Variants in MEGF6 observed in about 807,000 individuals in gnomAD.
The protein encoded by MEGF6 is multiple epidermal growth factor-like domains protein 6.
A neutral mutation model predicts 207.1 loss-of-function variants in MEGF6; 184 were observed. That is an observed-to-expected ratio of 0.89 (90% CI 0.79 to 1.00). MEGF6 has a LOEUF of 1.00. Ranked by LOEUF, MEGF6 falls within the 50% of genes least tolerant of loss-of-function variation. MEGF6 has a pLI of 0.00. For missense variants in MEGF6, 2,282 were observed against 2,202.9 expected (o/e 1.04, Z -0.72); for synonymous variants, 1,038 against 910.0 (o/e 1.14, Z -2.53).
At chr1:3,494,522 A>G (rs1640517774) in intron 31 of MEGF6, 23 bp from the exon 32 acceptor site, 1 of 1,580,784 alleles carries the variant, frequency 6.3e-7, no homozygotes, top group African/African-American at 1.3e-5. Context: ...CAGGGTGGGC[A>G]GTCCTTCGGC....
chr1:3,545,061 G>A (rs1323961398), intron 4 of MEGF6, among the ~76,000 whole-genome samples: 1 of 152,102 alleles, frequency 6.6e-6, no homozygotes, highest in Non-Finnish European at 1.5e-5. Flanking sequence ...GCTTGGCGGC[G>A]GGGCCAGCCC....
intron 35 of MEGF6, among the ~76,000 whole-genome samples, chr1:3,491,854 G>A (rs528542849): frequency 6.6e-6 from 1 of 151,646 alleles, no homozygotes; most frequent in Admixed American, 6.6e-5. Context: ...TGCAGGCAGA[G>A]AGCACATTCC....
At chr1:3,592,711 G>A (rs1481725545) in intron 3 of MEGF6, among the ~76,000 whole-genome samples, 2 of 143,224 alleles carry the variant, frequency 1.4e-5, no homozygotes, top group South Asian at 2.5e-4. Context: ...CCCACCCACC[G>A]CCCCCCTCAC....
chr1:3,619,261 G>A, the MEGF6 span, among the ~76,000 whole-genome samples: 5 of 152,130 alleles, frequency 3.3e-5, no homozygotes, highest in Admixed American at 6.5e-5. Context: ...CTCCCCTCCC[G>A]GGACCTCACA....
intron 4 of MEGF6, among the ~76,000 whole-genome samples, chr1:3,541,699 C>A (rs1476240924): frequency 1.3e-5 from 2 of 152,180 alleles, no homozygotes; most frequent in African/African-American, 4.8e-5. Context: ...ACAGTGGGAA[C>A]CTGGCAGTGC....
At chr1:3,530,976 A>G in intron 4 of MEGF6, 1 of 1,363,708 alleles carries the variant, frequency 7.3e-7, no homozygotes, top group South Asian at 1.6e-5. Flanking sequence ...CCTCCAGCCT[A>G]GCAGGCAGCG....
Position 3,511,551 on chromosome 1 carries a change from GATGCAGGT to G in MEGF6, c.1105_1112del (p.Thr369ArgfsTer40). The G allele has an allele frequency of 1.9e-5, 31 of 1,603,992 alleles. No individual in the cohort carries two copies. Among genetic ancestry groups the G allele is most frequent in the Non-Finnish European group, 2.3e-5 (27 of 1,173,312 alleles). ...CATCTGGGAGGAGCCAGTGCGCACC[GATGCAGGT>G]CCTCTGATCTGTGTCCAGCTCGTAG... On this transcript the variant is annotated frameshift_variant and splice_region_variant, in exon 9 of 37. Transcript: ENST00000356575. LOFTEE classifies it high-confidence loss of function.
intron 4 of MEGF6, among the ~76,000 whole-genome samples, chr1:3,537,506 CA>C (rs1482504051): frequency 6.6e-6 from 1 of 152,234 alleles, no homozygotes; most frequent in Non-Finnish European, 1.5e-5. Context: ...TGTGCCAGGC[CA>C]GGGGTGCTCC....
In MEGF6 at chr1:3,602,507, G is replaced by A. The variant is rs575501953; in HGVS notation, c.225C>T (p.Ala75=). 61 of 1,613,348 alleles carry A rather than the reference G, an allele frequency of 3.8e-5. No homozygotes were observed. The highest frequency in any genetic ancestry group is 1.8e-4 in the East Asian group (8 of 44,876). The change falls in exon 2 of 37, where the codon GCC becomes GCT. Residue 75 remains alanine, a synonymous_variant. Coordinates refer to ENST00000356575, the MANE Select transcript of MEGF6 (RefSeq NM_001409.4). ...ALSHTVPVWK[A]GCGWQAWCVG... ...CGCACCACGCCTGCCACCCACAGCC[G>A]GCCTTCCACACCGGCACCGTGTGGC...
At position 3,573,969 on chromosome 1, in the gene MEGF6, C is replaced by T. The variant is rs2101716649; in HGVS notation, c.481+5856G>A. ...CACCACCCAGTCCTAGCCACCCAAC[C>T]TTCTCCAAGGCTCTGCTTCCTGGCA... On this transcript the variant is annotated intron_variant, in intron 4 of 36. Coordinates refer to ENST00000356575, the MANE Select transcript of MEGF6 (RefSeq NM_001409.4). This position sits in a 1 kb window ranked among gnomAD's most constrained non-coding sequence, Gnocchi z 5.1. 6.6e-6 allele frequency among the ~76,000 whole-genome samples: 1 copy of T among 152,320 alleles called. No homozygotes were observed.
chr1:3,615,340 C>T (rs566604657), upstream of MEGF6, among the ~76,000 whole-genome samples: 33 of 152,324 alleles, frequency 2.2e-4, no homozygotes, highest in South Asian at 8.3e-4. Flanking sequence ...TGGTGCAGAG[C>T]GCAGGTATTA....
In MEGF6 at chr1:3,603,472, G is replaced by A. The variant is rs548259216; in HGVS notation, c.132-872C>T. 7.2e-5 allele frequency among the ~76,000 whole-genome samples: 11 copies of A among 152,222 alleles called. No homozygotes were observed. The South Asian group carries it at 1.4e-3, about 20-fold the overall frequency. Reference sequence around the variant, plus strand: ...GGCTCCAGTGCTCGTGTCCCACTACGTCAGGTGACGTCTGGGGGGCCTCAG... The same window carrying A: ...GGCTCCAGTGCTCGTGTCCCACTACATCAGGTGACGTCTGGGGGGCCTCAG... On this transcript the variant is annotated intron_variant, in intron 1 of 36. Coordinates refer to ENST00000356575, the MANE Select transcript of MEGF6 (RefSeq NM_001409.4).
intron 6 of MEGF6, 139 bp from the exon 7 acceptor site, chr1:3,514,811 G>C: frequency 2.9e-6 from 3 of 1,026,798 alleles, no homozygotes; most frequent in Non-Finnish European, 4.1e-6. Context: ...CTGGGCAGCG[G>C]GTCTCCCTCC....
At chr1:3,535,064 T>A (rs1324306211) in intron 4 of MEGF6, among the ~76,000 whole-genome samples, 1 of 152,126 alleles carries the variant, frequency 6.6e-6, no homozygotes, top group Non-Finnish European at 1.5e-5. Flanking sequence ...TCCCGGGGCA[T>A]CTCTGGCCTC....
chr1:3,577,564 C>A (rs886125988), intron 4 of MEGF6, among the ~76,000 whole-genome samples: 3 of 152,206 alleles, frequency 2.0e-5, no homozygotes, highest in African/African-American at 7.2e-5. Flanking sequence ...TGGCCCAGAG[C>A]CAGGAGGGAG....
chr1:3,494,722 A>C lies in MEGF6; in HGVS notation c.3891T>G (p.Phe1297Leu). Residue 1297 changes from phenylalanine (F) to leucine (L), a missense_variant, in exon 31 of 37, where the codon TTT becomes TTG. By Grantham distance (22) the Phe-to-Leu change is conservative. Coordinates refer to ENST00000356575, the MANE Select transcript of MEGF6 (RefSeq NM_001409.4). ...RCERGCPQNR[F>L]GVGCEHTCSC... ...AGCAGGTGTGCTCGCAGCCCACGCCAAACCGGTTCTGGGGGCAGCCTGGAG... is the reference window on the plus strand; with the variant it reads ...AGCAGGTGTGCTCGCAGCCCACGCCCAACCGGTTCTGGGGGCAGCCTGGAG... The C allele has an allele frequency of 6.3e-7, 1 of 1,588,472 alleles. No individual in the cohort carries two copies. Among genetic ancestry groups the C allele is most frequent in the Non-Finnish European group, 8.6e-7 (1 of 1,168,412 alleles).
chr1:3,510,925 C>G, intron 9 of MEGF6, 23 bp from the exon 10 acceptor site: 1 of 1,585,304 alleles, frequency 6.3e-7, no homozygotes, highest in Non-Finnish European at 8.6e-7. Flanking sequence ...CGCCACGGGC[C>G]CCCTGGTACC....
At chr1:3,606,173 G>A (rs553242875) in intron 1 of MEGF6, among the ~76,000 whole-genome samples, 5 of 152,350 alleles carry the variant, frequency 3.3e-5, no homozygotes, top group South Asian at 2.1e-4. Flanking sequence ...GCTGCAAAGC[G>A]TCATGCAGTG....
At chr1:3,622,195 G>C in the MEGF6 span, among the ~76,000 whole-genome samples, 35,129 of 152,046 alleles carry the variant, frequency 0.23, 4,890 homozygotes, top group East Asian at 0.34. Context: ...ATCTCATCTC[G>C]AATTGTAATC....
Sources: allele counts gnomAD v4.1 joint callset (sites outside exome capture counted in the v4.1 genomes callset), GRCh38; gene constraint gnomAD v4.1.1; non-coding constraint Gnocchi (gnomAD v3.1); transcripts MANE v1.5; gene names NCBI Gene and HGNC (gene_info 2026-07-23, HGNC 2026-07-21).